Variants in POLB observed in about 807,000 individuals in gnomAD.
The protein encoded by POLB is 5'-dRP lyase.
In POLB, 37 loss-of-function variants were observed where a neutral mutation model predicts 52.7. That is an observed-to-expected ratio of 0.70 (90% CI 0.54 to 0.92). The LOEUF (loss-of-function observed/expected upper bound fraction) is 0.92. POLB is among the 40% of genes least tolerant of loss of function. POLB has a pLI of 0.00. For missense variants in POLB, 313 were observed against 400.8 expected (o/e 0.78, Z 1.87); for synonymous variants, 138 against 131.3 (o/e 1.05, Z -0.35).
At chr8:42,342,645 A>G in intron 2 of POLB, 1 of 605,124 alleles carries the variant, frequency 1.7e-6, no homozygotes, top group East Asian at 2.8e-5. Flanking sequence ...CCTGTGGAAC[A>G]GAGACCTGCA....
intron 9 of POLB, among the ~76,000 whole-genome samples, chr8:42,360,204 A>C (rs1224826357): frequency 6.6e-6 from 1 of 151,354 alleles, no homozygotes; most frequent in South Asian, 2.1e-4. Context: ...TGATCCGCCC[A>C]CCTTGGCCTC....
In POLB at chr8:42,359,188, C is replaced by T. The variant is rs190427996; in HGVS notation, c.550+1796C>T. Among the ~76,000 whole-genome samples the T allele has an allele frequency of 3.3e-3, 501 of 152,228 alleles. 3 individuals carry two copies. Among genetic ancestry groups the T allele is most frequent in the African/African-American group, 0.011 (473 of 41,556 alleles). ...ACCACTTCCCTATGGATTCTTGTAA[C>T]GTTTCTTCATGAAAATACAACTAAA... On this transcript the variant is annotated intron_variant, in intron 9 of 13. Transcript: ENST00000265421.
At chr8:42,346,008 G>C (rs1349750685) in intron 3 of POLB, among the ~76,000 whole-genome samples, 1 of 152,112 alleles carries the variant, frequency 6.6e-6, no homozygotes, top group South Asian at 2.1e-4. Flanking sequence ...TGCAGCCTCC[G>C]CCTCCAGGGT....
At chr8:42,370,212 G>T in intron 13 of POLB, 2 of 563,388 alleles carry the variant, frequency 3.5e-6, no homozygotes, top group Non-Finnish European at 6.8e-6. Flanking sequence ...TGTTAAAATG[G>T]ATTAAATCCT....
At chr8:42,347,607 G>A (rs1822716602) in intron 3 of POLB, among the ~76,000 whole-genome samples, 1 of 151,846 alleles carries the variant, frequency 6.6e-6, no homozygotes, top group Non-Finnish European at 1.5e-5. Flanking sequence ...AGTAGCTTGG[G>A]TCTGAATTGC....
chr8:42,357,071 G>T, intron 7 of POLB, 98 bp from the exon 8 acceptor site: 1 of 677,940 alleles, frequency 1.5e-6, no homozygotes. Flanking sequence ...AGAATGATCT[G>T]CTGGTATGGC....
In POLB at chr8:42,369,279, C is replaced by T. The variant is rs1162955547; in HGVS notation, c.717C>T (p.Cys239=). 2.0e-5 allele frequency: 32 copies of T among 1,569,760 alleles called. No homozygotes were observed. The highest frequency in any genetic ancestry group is 2.8e-5 in the Non-Finnish European group (32 of 1,141,554). The change falls in exon 12 of 14, where the codon TGC becomes TGT. Residue 239 remains cysteine, a synonymous_variant. Transcript: ENST00000265421. ...SKGETKFMGV[C]QLPSKNDEKE... Reference sequence around the variant, plus strand: ...TAAAATGTTCATTTTAGGGTGTTTGCCAGCTTCCCAGTAAAAATGATGAAA... The same window carrying T: ...TAAAATGTTCATTTTAGGGTGTTTGTCAGCTTCCCAGTAAAAATGATGAAA...
At chr8:42,339,511 T>A (rs150303993) in intron 2 of POLB, 1 of 161,966 alleles carries the variant, frequency 6.2e-6, no homozygotes, top group African/African-American at 2.4e-5. Context: ...ACCAGGGGCC[T>A]TATCCTATTC....
intron 11 of POLB, 92 bp from the exon 12 acceptor site, chr8:42,369,179 T>G (rs1824221215): frequency 1.4e-6 from 1 of 739,792 alleles, no homozygotes; most frequent in Non-Finnish European, 2.3e-6. Context: ...GCTGCTAACA[T>G]TAAAAACAAA....
Position 42,362,671 on chromosome 8 carries a change from C to G in POLB, c.681C>G (p.Thr227=). The G allele has an allele frequency of 4.4e-6, 7 of 1,607,186 alleles. No individual in the cohort carries two copies. Among genetic ancestry groups the G allele is most frequent in the Non-Finnish European group, 6.0e-6 (7 of 1,174,246 alleles). Residue 227 remains threonine (T), a synonymous_variant, in exon 11 of 14, where the codon ACC becomes ACG. Transcript: ENST00000265421. ...AAAAGGTTCATTTTATCACAGATAC[C>G]CTGTCAAAGGGTGAGACAAAGTTCA... ...QLQKVHFITD[T]LSKGETKFMG... is the part of the protein sequence containing the mutation.
In POLB at chr8:42,338,992, A is replaced by T. The variant is rs1432122842; in HGVS notation, c.62-20A>T. On this transcript the variant is annotated intron_variant, in intron 1 of 13. Coordinates refer to ENST00000265421, the MANE Select transcript of POLB (RefSeq NM_002690.3). ...TTTACTCGTGGTTCTTGTTCACCCG[A>T]GCCTTCTGTTGCCTTTCAGAACTCG... is the stretch of plus-strand genomic sequence containing the variant. 1 of 1,609,262 alleles carries T rather than the reference A, an allele frequency of 6.2e-7. No individual in the cohort carries two copies. Among genetic ancestry groups the T allele is most frequent in the East Asian group, 2.2e-5 (1 of 44,848 alleles).
chr8:42,369,835 T>TC lies in POLB; in HGVS notation c.774-12dup. 1 of 1,555,932 alleles carries TC rather than the reference T, an allele frequency of 6.4e-7. No individual in the cohort carries two copies. Among genetic ancestry groups the TC allele is most frequent in the Non-Finnish European group, 8.7e-7 (1 of 1,150,128 alleles). On this transcript the variant is annotated splice_polypyrimidine_tract_variant and intron_variant, in intron 12 of 13. Transcript: ENST00000265421. ...GCATGGTAAAAAAATGTATCTACTG[T>TC]CCATTTTTTTTAGGTTGATACCCAA...
chr8:42,344,408 GTGGT>G (rs1822469302), intron 2 of POLB, among the ~76,000 whole-genome samples: 1 of 150,888 alleles, frequency 6.6e-6, no homozygotes, highest in Non-Finnish European at 1.5e-5. Flanking sequence ...GGCGGAGGTT[GTGGT>G]GAGCCGAGAT....
intron 6 of POLB, among the ~76,000 whole-genome samples, chr8:42,355,117 C>T (rs1482917416): frequency 6.6e-6 from 1 of 151,894 alleles, no homozygotes; most frequent in Non-Finnish European, 1.5e-5. Flanking sequence ...CGGCTCACTG[C>T]AGCTTCCACC....
intron 5 of POLB, among the ~76,000 whole-genome samples, chr8:42,350,918 T>TA (rs375784553): frequency 1.3e-5 from 2 of 151,954 alleles, no homozygotes; most frequent in African/African-American, 4.8e-5. Context: ...CTATCTAGGC[T>TA]AGAGTGCAGT....
intron 10 of POLB, chr8:42,361,603 T>C: frequency 2.1e-6 from 1 of 479,086 alleles, no homozygotes; most frequent in South Asian, 2.7e-5. Flanking sequence ...TTGAATACAA[T>C]AGTTTTAGAA....
intron 11 of POLB, among the ~76,000 whole-genome samples, chr8:42,363,527 CAAAAAA>C (rs1163249252): frequency 1.9e-4 from 3 of 15,822 alleles, no homozygotes; most frequent in South Asian, 2.4e-3. Flanking sequence ...GACTCTGTCT[CAAAAAA>C]AAAAAAAAAA....
chr8:42,357,916 G>C (rs773958949), intron 9 of POLB: 1 of 152,108 alleles, frequency 6.6e-6, no homozygotes, highest in African/African-American at 2.4e-5. Context: ...TAGTAGAAAC[G>C]GGGTTTCACC....
chr8:42,363,121 CAAAA>C (rs57571391), intron 11 of POLB, among the ~76,000 whole-genome samples: 1 of 113,442 alleles, frequency 8.8e-6, no homozygotes, highest in Non-Finnish European at 1.9e-5. Flanking sequence ...GAAACTCCGC[CAAAA>C]AAAAAAAAAG....
Sources: gnomAD v4.1 joint callset for allele counts (sites outside exome capture counted in the v4.1 genomes callset) on GRCh38, gnomAD v4.1.1 for gene constraint, MANE v1.5 for transcripts, NCBI Gene and HGNC (gene_info 2026-07-23, HGNC 2026-07-21) for gene names.